Variants in SWI5 observed in about 807,000 individuals in gnomAD.
SWI5 encodes DNA repair protein SWI5 homolog.
Under a neutral mutation model 17.0 loss-of-function variants are expected in SWI5, and 12 were observed. The ratio of observed to expected loss-of-function variants is 0.71; its 90% CI spans 0.45 to 1.14. The LOEUF is 1.14. Among genes scored for constraint, SWI5 ranks in the 50% most tolerant of loss-of-function variants. SWI5 has a pLI of 0.00. For missense variants in SWI5, 158 were observed against 162.2 expected (o/e 0.97, Z 0.14); for synonymous variants, 61 against 64.0 (o/e 0.95, Z 0.22).
rs778233603 is a variant in SWI5 at position 128,276,770 on chromosome 9, C to T, written c.111+15C>T. 6.2e-7 allele frequency: 1 copy of T among 1,600,024 alleles called. No individual in the cohort carries two copies. The highest frequency in any genetic ancestry group is 2.2e-5 in the East Asian group (1 of 44,500). The stretch of plus-strand genomic sequence containing the variant: ...TCCGATCCCCTGTGAGTATTTCTTC[C>T]CCCACACCCCCTTTCCCATCCTCGA... On this transcript the variant is annotated intron_variant, in intron 2 of 4. Coordinates refer to ENST00000418976, the Ensembl canonical transcript of SWI5.
chr9:128,276,202 C>A (rs781195432), upstream of SWI5: 82 of 1,605,282 alleles, frequency 5.1e-5, no homozygotes, highest in Non-Finnish European at 6.9e-5. Flanking sequence ...GCGCACGCAA[C>A]CGCTGTCCCC....
At chr9:128,276,075 A>T (rs1043128950), upstream of SWI5, 30 of 1,573,790 alleles carry the variant, frequency 1.9e-5, no homozygotes, top group African/African-American at 3.4e-4. Flanking sequence ...TGGAGCGCAG[A>T]ATGGGGGCGT....
chr9:128,286,074 G>A (rs368228872), intron 4 of SWI5, 41 bp downstream of exon 4: 378 of 1,480,114 alleles, frequency 2.6e-4, no homozygotes, highest in Middle Eastern at 1.7e-4. Flanking sequence ...AGGCATCATA[G>A]GGTGTCGTCT....
upstream of SWI5, chr9:128,275,876 G>A (rs1300796613): frequency 3.4e-6 from 5 of 1,451,032 alleles, no homozygotes; most frequent in Admixed American, 2.1e-5. Flanking sequence ...GGGGGGCCGC[G>A]ACCCGGTGCA....
At chr9:128,275,502 G>C (rs1831268470), upstream of SWI5, 6 of 1,308,892 alleles carry the variant, frequency 4.6e-6, no homozygotes, top group Middle Eastern at 2.1e-4. Context: ...AGGAGGTGAG[G>C]GTCGAGTCTG....
chr9:128,275,510 C>G, upstream of SWI5: 1 of 1,309,090 alleles, frequency 7.6e-7, no homozygotes, highest in Non-Finnish European at 9.8e-7. Context: ...AGGGTCGAGT[C>G]TGGAGCGGGG....
upstream of SWI5, chr9:128,275,887 C>T (rs1438503077): frequency 2.6e-6 from 4 of 1,533,374 alleles, no homozygotes; most frequent in South Asian, 1.2e-5. Flanking sequence ...ACCCGGTGCA[C>T]TTTACCTTTT....
intron 2 of SWI5, among the ~76,000 whole-genome samples, chr9:128,281,848 G>A (rs1831544629): frequency 6.6e-6 from 1 of 152,196 alleles, no homozygotes; most frequent in African/African-American, 2.4e-5. Flanking sequence ...CAAGGTGTGA[G>A]GATTGCTCCA....
chr9:128,282,126 C>T (rs1285330704), intron 2 of SWI5, among the ~76,000 whole-genome samples: 8 of 152,142 alleles, frequency 5.3e-5, no homozygotes, highest in African/African-American at 9.7e-5. Flanking sequence ...CGGTGGCTCA[C>T]GCCTGTAATC....
chr9:128,282,926 C>G (rs1405962571), intron 2 of SWI5, among the ~76,000 whole-genome samples: 1 of 152,230 alleles, frequency 6.6e-6, no homozygotes, highest in Non-Finnish European at 1.5e-5. Context: ...GCCTGTAATC[C>G]CAGCACCTGG....
intron 2 of SWI5, among the ~76,000 whole-genome samples, chr9:128,279,931 A>G (rs1831507048): frequency 6.6e-6 from 1 of 152,104 alleles, no homozygotes; most frequent in African/African-American, 2.4e-5. Context: ...CTTCTAGGTC[A>G]CTTCTCACAA....
At position 128,285,361 on chromosome 9, in the gene SWI5, CAGGT is replaced by C. The variant is rs1235799885; in HGVS notation, c.234-574_234-571del. ...GATTCAGGACATAGCAGCAGCCTCTCAGGTAGGGAGATGCTCAGGCTGTGGGAGG... is the reference window on the plus strand; with the variant it reads ...GATTCAGGACATAGCAGCAGCCTCTCAGGGAGATGCTCAGGCTGTGGGAGG... On this transcript the variant is annotated intron_variant, in intron 3 of 4. Coordinates refer to ENST00000418976, the Ensembl canonical transcript of SWI5. This position sits in a 1 kb window ranked among gnomAD's most constrained non-coding sequence, Gnocchi z 4.8. Among the ~76,000 whole-genome samples, 1 of 152,168 alleles carries C rather than the reference CAGGT, an allele frequency of 6.6e-6. No homozygotes were observed. Among genetic ancestry groups the C allele is most frequent in the Non-Finnish European group, 1.5e-5 (1 of 68,026 alleles).
At chr9:128,276,021 G>T (rs759355236), upstream of SWI5, 32 of 1,589,716 alleles carry the variant, frequency 2.0e-5, no homozygotes, top group Non-Finnish European at 2.7e-5. Flanking sequence ...CAGCCACCGC[G>T]CAGCTGTGCG....
chr9:128,275,961 G>T (rs570799803), upstream of SWI5: 1 of 1,594,952 alleles, frequency 6.3e-7, no homozygotes, highest in Non-Finnish European at 8.5e-7. Flanking sequence ...GGAGGGAGGC[G>T]GGGTTGGGGC....
At chr9:128,276,288 G>C (rs1831366937) in exon 1 of SWI5, 4 of 1,612,716 alleles carry the variant, frequency 2.5e-6, no homozygotes, top group Non-Finnish European at 2.5e-6. Flanking sequence ...TTCACACTCC[G>C]GGTCAGAGTT....
At chr9:128,280,975 T>C (rs1831527300) in intron 2 of SWI5, among the ~76,000 whole-genome samples, 1 of 147,232 alleles carries the variant, frequency 6.8e-6, no homozygotes, top group Admixed American at 6.9e-5. Flanking sequence ...AGGATCCCCA[T>C]GGAGTAATGA....
upstream of SWI5, chr9:128,275,871 G>T: frequency 7.2e-7 from 1 of 1,381,548 alleles, no homozygotes; most frequent in Non-Finnish European, 1.0e-6. Flanking sequence ...GGGTCGGGGG[G>T]CCGCGACCCG....
chr9:128,284,283 C>T (rs531817992), intron 2 of SWI5, among the ~76,000 whole-genome samples: 7 of 129,410 alleles, frequency 5.4e-5, no homozygotes, highest in Non-Finnish European at 7.8e-5. Flanking sequence ...AGCGAGACTC[C>T]GTCTCAAAAA....
chr9:128,284,764 T>C lies in SWI5; in HGVS notation c.233+133T>C. ...TGAGGTCAGGAGTTTGAGACCAGCC[T>C]GGCCAACATGGCAAAACCCTGTCTC... is the stretch of plus-strand genomic sequence containing the variant. On this transcript the variant is annotated intron_variant, in intron 3 of 4. Coordinates refer to ENST00000418976, the Ensembl canonical transcript of SWI5. 6 of 1,045,572 alleles carry C rather than the reference T, an allele frequency of 5.7e-6. No individual in the cohort carries two copies. The South Asian group carries it at 1.0e-4, about 18-fold the overall frequency. 64.8% of individuals were successfully genotyped at this position (1,045,572 alleles called of 1,614,324 possible). A position where few individuals can be genotyped will look rare whatever the true frequency, so the allele number is the denominator to read the frequency against.
Sources: gnomAD v4.1 joint callset for allele counts (sites outside exome capture counted in the v4.1 genomes callset) on GRCh38, gnomAD v4.1.1 for gene constraint, Gnocchi (gnomAD v3.1) non-coding constraint, MANE v1.5 for transcripts, NCBI Gene and HGNC (gene_info 2026-07-23, HGNC 2026-07-21) for gene names.